Variants in TET3 observed in about 807,000 individuals in gnomAD.
TET3 encodes methylcytosine dioxygenase TET3.
TET3 carries 19 observed loss-of-function variants against 141.4 expected under a neutral mutation model. The observed-to-expected ratio is 0.13, with a 90% CI of 0.09 to 0.20. The LOEUF (loss-of-function observed/expected upper bound fraction) is 0.20, where lower values mean the gene tolerates loss of function less well. TET3 is among the 10% of genes least tolerant of loss of function. The pLI is 1.00. For synonymous variants in TET3, 1,043 were observed against 980.9 expected, an observed-to-expected ratio of 1.06 and a Z score of -1.18; for missense variants, 1,874 against 2,356.9, an observed-to-expected ratio of 0.80 and a Z score of 4.24.
At position 74,099,375 on chromosome 2, in the gene TET3, G is replaced by A; in HGVS notation, c.3367G>A (p.Glu1123Lys). Residue 1123 changes from glutamate (E) to lysine (K), a missense_variant, in exon 11 of 12, where the codon GAG becomes AAG. Physicochemically the swap from Glu to Lys is moderately conservative, Grantham distance 56. Around this residue, in one of 10 missense-constraint regions of TET3, gnomAD observed 53 missense variants for 112.8 expected, o/e 0.47. Transcript: ENST00000409262. ...LPLYKMANTD[E>K]FGSEENQNAK... ...CCTGTACAAGATGGCCAACACGGATGAGTTTGGTAGCGAGGAGAACCAGAA... is the reference window on the plus strand; with the variant it reads ...CCTGTACAAGATGGCCAACACGGATAAGTTTGGTAGCGAGGAGAACCAGAA... 1 of 1,613,986 alleles carries A rather than the reference G, an allele frequency of 6.2e-7. No individual in the cohort carries two copies. The highest frequency in any genetic ancestry group is 8.5e-7 in the Non-Finnish European group (1 of 1,179,884).
intron 3 of TET3, among the ~76,000 whole-genome samples, chr2:74,009,585 G>C (rs556827348): frequency 6.6e-6 from 1 of 152,326 alleles, no homozygotes; most frequent in South Asian, 2.1e-4. Flanking sequence ...GTGTCCAAGA[G>C]ATGTCCACCA....
Position 74,100,856 on chromosome 2 carries a change from C to T in TET3, c.4068C>T (p.His1356=), listed in dbSNP as rs1490775058. ...ACGCCCACCACCCCACTCCTCACCACCAGCAGCCTGCGTACCCAGGCCCCA... is the reference window on the plus strand; with the variant it reads ...ACGCCCACCACCCCACTCCTCACCATCAGCAGCCTGCGTACCCAGGCCCCA... The part of the protein sequence containing the change: ...PTDAHHPTPH[H]QQPAYPGPKE... Residue 1356 remains histidine, a synonymous_variant, in exon 12 of 12, where the codon CAC becomes CAT. Coordinates refer to ENST00000409262, the MANE Select transcript of TET3 (RefSeq NM_001287491.2). 1 of 1,611,808 alleles carries T rather than the reference C, an allele frequency of 6.2e-7. No homozygotes were observed. Among genetic ancestry groups the T allele is most frequent in the Non-Finnish European group, 8.5e-7 (1 of 1,179,144 alleles).
At chr2:74,119,346 C>CT in the TET3 span, among the ~76,000 whole-genome samples, 2 of 129,112 alleles carry the variant, frequency 1.5e-5, no homozygotes, top group African/African-American at 7.0e-5. Flanking sequence ...GAGTGAGACT[C>CT]TATCTCAAAA....
intron 4 of TET3, among the ~76,000 whole-genome samples, chr2:74,069,883 C>A (rs781688955): frequency 1.3e-5 from 2 of 152,134 alleles, no homozygotes; most frequent in African/African-American, 2.4e-5. Flanking sequence ...CAGGTGTGAG[C>A]CACCGTGCCC....
Position 74,061,129 on chromosome 2 carries a change from C to T in TET3, c.2495-12420C>T, listed in dbSNP as rs868374098. Among the ~76,000 whole-genome samples, 711 of 139,986 alleles carry T rather than the reference C, an allele frequency of 5.1e-3. 8 individuals are homozygous for T. The highest frequency in any genetic ancestry group is 0.013 in the Middle Eastern group (3 of 240). The allele number at this position is 139,986 out of a possible 152,430, so 91.8% of individuals were successfully genotyped here. ...CCCCTCACCTACCGGACGGGGCGGC[C>T]GGCCGGGCGGGGGGCTGACCCCCCC... On this transcript the variant is annotated intron_variant, in intron 4 of 11. Transcript: ENST00000409262.
chr2:73,992,173 G>C (rs1355726336), intron 2 of TET3, among the ~76,000 whole-genome samples: 3 of 152,154 alleles, frequency 2.0e-5, no homozygotes, highest in Non-Finnish European at 2.9e-5. Flanking sequence ...ACAGACACTG[G>C]GTCCCTGTGG....
chr2:74,068,371 AT>A (rs1689024293), intron 4 of TET3, among the ~76,000 whole-genome samples: 1 of 151,782 alleles, frequency 6.6e-6, no homozygotes, highest in African/African-American at 2.4e-5. Context: ...CTGTACTGAA[AT>A]TTTTTTTCTC....
At chr2:74,041,132 A>G (rs1402028942) in intron 3 of TET3, among the ~76,000 whole-genome samples, 1 of 152,088 alleles carries the variant, frequency 6.6e-6, no homozygotes, top group Non-Finnish European at 1.5e-5. Flanking sequence ...TCTGGTTGTT[A>G]GGGGGACTGG....
chr2:74,007,951 G>T (rs1685227389), intron 3 of TET3, among the ~76,000 whole-genome samples: 1 of 152,204 alleles, frequency 6.6e-6, no homozygotes, highest in Non-Finnish European at 1.5e-5. Context: ...AGTGAGGCGA[G>T]CCAAGTGATC....
intron 3 of TET3, among the ~76,000 whole-genome samples, chr2:74,044,299 G>A (rs578186722): frequency 4.6e-5 from 7 of 152,164 alleles, no homozygotes; most frequent in Admixed American, 4.6e-4. Flanking sequence ...TAGAAAAATA[G>A]CAGGGATCAT....
At chr2:74,122,511 A>ATATATATTTTTTTT in the TET3 span, 1 of 47,570 alleles carries the variant, frequency 2.1e-5, no homozygotes, top group Non-Finnish European at 3.8e-5. Flanking sequence ...ATATATATAT[A>ATATATATTTTTTTT]TTTTTTTTTT....
intron 3 of TET3, among the ~76,000 whole-genome samples, chr2:74,014,914 A>G (rs1184593668): frequency 6.6e-6 from 1 of 152,214 alleles, no homozygotes; most frequent in Non-Finnish European, 1.5e-5. Flanking sequence ...TGTGGTGGAC[A>G]TCTCTTAGAC....
chr2:74,098,686 T>C (rs549973157), intron 10 of TET3, among the ~76,000 whole-genome samples: 40 of 151,928 alleles, frequency 2.6e-4, no homozygotes, highest in African/African-American at 8.7e-4. Context: ...CCTCCATCTC[T>C]GGGTTCAAGC....
At chr2:74,100,316 C>A in intron 11 of TET3, 77 bp from the exon 12 acceptor site, 1 of 1,430,952 alleles carries the variant, frequency 7.0e-7, no homozygotes, top group Non-Finnish European at 9.5e-7. Flanking sequence ...GAGGGTCCAT[C>A]CCCAGTCCCC....
chr2:74,084,137 C>T (rs1350773960), intron 6 of TET3, among the ~76,000 whole-genome samples: 1 of 152,148 alleles, frequency 6.6e-6, no homozygotes, highest in African/African-American at 2.4e-5. Context: ...CCGTTCTTGC[C>T]GTGCCTCAGA....
At chr2:74,057,195 G>A (rs1471050650) in intron 4 of TET3, among the ~76,000 whole-genome samples, 1 of 152,186 alleles carries the variant, frequency 6.6e-6, no homozygotes, top group Non-Finnish European at 1.5e-5. Context: ...CCAACTGTGG[G>A]GCTTTATTTT....
In TET3 at chr2:74,102,448, T is replaced by G. The variant is rs1279385122; in HGVS notation, c.*272T>G. The G allele has an allele frequency of 4.3e-5, 12 of 279,838 alleles. No individual in the cohort carries two copies. The highest frequency in any genetic ancestry group is 7.7e-5 in the Non-Finnish European group (12 of 155,670). 17.3% of individuals were successfully genotyped at this position (279,838 alleles called of 1,614,324 possible). On this transcript the variant is annotated 3_prime_UTR_variant, in exon 12 of 12. Transcript: ENST00000409262. ...TCTTAATATTTATATCTCCAAGTTG[T>G]CCCCCCCCCTTGTCTGGGGGGTTTT...
chr2:74,089,817 G>T, intron 7 of TET3, 80 bp from the exon 8 acceptor site: 1 of 1,554,622 alleles, frequency 6.4e-7, no homozygotes, highest in Non-Finnish European at 8.8e-7. Flanking sequence ...GCTCAGCAGG[G>T]CCACCCCTTG....
At chr2:73,983,655 TTTTC>T (rs996223796), upstream of TET3, among the ~76,000 whole-genome samples, 1 of 152,234 alleles carries the variant, frequency 6.6e-6, no homozygotes, top group Non-Finnish European at 1.5e-5. Flanking sequence ...AGTTACTTTT[TTTTC>T]TTTCTTTCTA....
Sources: gnomAD v4.1 joint callset for allele counts (sites outside exome capture counted in the v4.1 genomes callset) on GRCh38, gnomAD v4.1.1 for gene constraint, gnomAD v4.1.1 regional missense constraint, MANE v1.5 for transcripts, NCBI Gene and HGNC (gene_info 2026-07-23, HGNC 2026-07-21) for gene names.